Variants in KLHL1 observed in about 807,000 individuals in gnomAD.
KLHL1 encodes the protein kelch-like protein 1.
In KLHL1, 47 loss-of-function variants were observed where a neutral mutation model predicts 77.7. The ratio of observed to expected loss-of-function variants is 0.60; its 90% CI spans 0.48 to 0.77. The LOEUF is 0.77. Among genes scored for constraint, KLHL1 ranks in the 30% least tolerant of loss-of-function variants. The pLI, the probability that KLHL1 is intolerant of heterozygous loss-of-function variation, is 0.00. For synonymous variants in KLHL1, 360 were observed against 325.2 expected, an observed-to-expected ratio of 1.11 and a Z score of -1.15; for missense variants, 925 against 910.8, an observed-to-expected ratio of 1.02 and a Z score of -0.20.
chr13:70,083,792 C>T (rs1309318987), intron 1 of KLHL1, among the ~76,000 whole-genome samples: 1 of 151,926 alleles, frequency 6.6e-6, no homozygotes, highest in African/African-American at 2.4e-5. Flanking sequence ...GTCTGAATTA[C>T]AAAGAAATCA....
intron 5 of KLHL1, among the ~76,000 whole-genome samples, chr13:69,862,294 AAGAG>A (rs373063186): frequency 5.3e-5 from 8 of 149,638 alleles, no homozygotes; most frequent in Non-Finnish European, 8.9e-5. Flanking sequence ...CACACAGGAG[AAGAG>A]AGAGAGAGAG....
Position 69,780,705 on chromosome 13 carries a change from T to C in KLHL1, c.1639+16033A>G, listed in dbSNP as rs7491232. Among the ~76,000 whole-genome samples, 35 of 39,880 alleles carry C rather than the reference T, an allele frequency of 8.8e-4. 1 individual carries two copies. Among genetic ancestry groups the C allele is most frequent in the African/African-American group, 3.2e-3 (30 of 9,246 alleles). The allele number at this position is 39,880 out of a possible 152,430, so 26.2% of individuals were successfully genotyped here. On this transcript the variant is annotated intron_variant, in intron 7 of 10. Coordinates refer to ENST00000377844, the MANE Select transcript of KLHL1 (RefSeq NM_020866.3). ...TTCTTCATATATATATATATATGTA[T>C]ATATATATATGTATATATATATATA...
intron 1 of KLHL1, among the ~76,000 whole-genome samples, chr13:70,015,626 T>A (rs1885638525): frequency 6.6e-6 from 1 of 152,102 alleles, no homozygotes; most frequent in Admixed American, 6.5e-5. Context: ...TGTTGAATAT[T>A]TTATTATAAA....
intron 3 of KLHL1, among the ~76,000 whole-genome samples, chr13:69,944,856 T>C (rs550383056): frequency 1.1e-4 from 16 of 152,226 alleles, no homozygotes; most frequent in Admixed American, 5.2e-4. Context: ...TGAGAAAAGA[T>C]TGTCTTTGAA....
chr13:69,741,427 C>G (rs1566201842), intron 7 of KLHL1, among the ~76,000 whole-genome samples: 1 of 152,110 alleles, frequency 6.6e-6, no homozygotes, highest in Non-Finnish European at 1.5e-5. Context: ...TATTACCAAG[C>G]TGACAAATTA....
intron 6 of KLHL1, among the ~76,000 whole-genome samples, chr13:69,807,997 G>C (rs1353481295): frequency 6.6e-6 from 1 of 152,116 alleles, no homozygotes; most frequent in Non-Finnish European, 1.5e-5. Flanking sequence ...CCTTTGTGTG[G>C]ATTGTCCCTA....
chr13:69,880,688 T>A (rs1880954508), intron 5 of KLHL1, among the ~76,000 whole-genome samples: 1 of 152,072 alleles, frequency 6.6e-6, no homozygotes, highest in African/African-American at 2.4e-5. Flanking sequence ...CATCTCCCTA[T>A]AACTGATGAC....
chr13:69,756,065 C>A (rs1874717600), intron 7 of KLHL1, among the ~76,000 whole-genome samples: 1 of 152,120 alleles, frequency 6.6e-6, no homozygotes, highest in Non-Finnish European at 1.5e-5. Context: ...TACTTCAGAT[C>A]TGGATGATTT....
intron 4 of KLHL1, among the ~76,000 whole-genome samples, chr13:69,899,841 A>C (rs1278119582): frequency 2.0e-5 from 3 of 152,130 alleles, no homozygotes; most frequent in Non-Finnish European, 4.4e-5. Context: ...GAAGCTCTCC[A>C]CAATCTGGTA....
chr13:69,862,005 T>A (rs892783999), intron 5 of KLHL1, among the ~76,000 whole-genome samples: 2 of 147,010 alleles, frequency 1.4e-5, no homozygotes, highest in Admixed American at 1.3e-4. Flanking sequence ...TAAAATAAAA[T>A]AAAATAAAAT....
chr13:69,938,729 T>C (rs943144760), intron 4 of KLHL1, among the ~76,000 whole-genome samples: 3 of 152,158 alleles, frequency 2.0e-5, no homozygotes, highest in Non-Finnish European at 4.4e-5. Context: ...GCATCGTGTC[T>C]GTCATGGAAA....
chr13:70,033,436 C>T (rs1439091443), intron 1 of KLHL1, among the ~76,000 whole-genome samples: 1 of 151,754 alleles, frequency 6.6e-6, no homozygotes, highest in African/African-American at 2.4e-5. Context: ...CCTACAGGTG[C>T]CCACCACCAC....
At chr13:69,983,669 T>C (rs189588526) in intron 1 of KLHL1, among the ~76,000 whole-genome samples, 2 of 150,294 alleles carry the variant, frequency 1.3e-5, no homozygotes, top group African/African-American at 2.5e-5. Flanking sequence ...CAGGAGGCTA[T>C]GACAGGAGGG....
intron 4 of KLHL1, among the ~76,000 whole-genome samples, chr13:69,900,220 T>C (rs979059414): frequency 6.6e-6 from 1 of 152,182 alleles, no homozygotes; most frequent in Non-Finnish European, 1.5e-5. Flanking sequence ...CTTAAAAATA[T>C]TCCTTGGAAA....
intron 1 of KLHL1, among the ~76,000 whole-genome samples, chr13:70,076,387 C>CTTT (rs34821978): frequency 0.021 from 2,896 of 139,798 alleles, 46 homozygotes; most frequent in Middle Eastern, 0.048. Flanking sequence ...AAAGGATAAT[C>CTTT]TTTTTTTTTT....
At chr13:69,825,956 C>T (rs190824117) in intron 6 of KLHL1, among the ~76,000 whole-genome samples, 2 of 151,056 alleles carry the variant, frequency 1.3e-5, no homozygotes, top group Non-Finnish European at 2.9e-5. Flanking sequence ...GACGTTTATA[C>T]AACATATTAT....
chr13:70,032,416 G>C (rs750668255), intron 1 of KLHL1, among the ~76,000 whole-genome samples: 12 of 152,084 alleles, frequency 7.9e-5, no homozygotes, highest in Non-Finnish European at 1.8e-4. Context: ...GATAAAACTT[G>C]ACAGAAAACA....
intron 4 of KLHL1, among the ~76,000 whole-genome samples, chr13:69,907,390 C>T (rs1453561486): frequency 6.6e-6 from 1 of 151,788 alleles, no homozygotes; most frequent in Non-Finnish European, 1.5e-5. Context: ...TAGAATCTTT[C>T]CTTTATTTAC....
intron 6 of KLHL1, among the ~76,000 whole-genome samples, chr13:69,807,021 G>A (rs1877646209): frequency 6.6e-6 from 1 of 152,148 alleles, no homozygotes; most frequent in Non-Finnish European, 1.5e-5. Flanking sequence ...CTAGTTCCAG[G>A]CCCAAGATGT....
Sources: allele counts gnomAD v4.1 joint callset (sites outside exome capture counted in the v4.1 genomes callset), GRCh38; gene constraint gnomAD v4.1.1; transcripts MANE v1.5; gene names NCBI Gene and HGNC (gene_info 2026-07-23, HGNC 2026-07-21).